The following CUBN variants were observed in gnomAD, a reference collection of about 807,000 sequenced individuals.
CUBN encodes 460 kDa receptor.
CUBN carries 282 observed loss-of-function variants against 405.3 expected under a neutral mutation model. That is an observed-to-expected ratio of 0.70 (90% CI 0.63 to 0.77). CUBN has a LOEUF of 0.77. Ranked by LOEUF, CUBN falls within the 30% of genes least tolerant of loss-of-function variation. The pLI is 0.00. For missense variants in CUBN, 4,514 were observed against 4,475.2 expected (o/e 1.01, Z -0.25); for synonymous variants, 1,684 against 1,617.0 (o/e 1.04, Z -0.99).
chr10:17,109,809 A>G, intron 9 of CUBN, 74 bp from the exon 10 acceptor site: 1 of 1,127,710 alleles, frequency 8.9e-7, no homozygotes, highest in Non-Finnish European at 1.4e-6. Flanking sequence ...CTAGGATTCA[A>G]ATATCATGAA....
intron 44 of CUBN, among the ~76,000 whole-genome samples, chr10:16,919,269 A>C (rs1278688179): frequency 6.6e-6 from 1 of 152,210 alleles, no homozygotes; most frequent in Admixed American, 6.5e-5. Flanking sequence ...ACGTTTCTTC[A>C]GGAAGTCACA....
intron 51 of CUBN, 123 bp from the exon 52 acceptor site, chr10:16,901,582 G>A: frequency 7.7e-7 from 1 of 1,296,772 alleles, no homozygotes; most frequent in South Asian, 1.3e-5. Context: ...GGCCAGGCAT[G>A]GTGGCTCACG....
intron 17 of CUBN, among the ~76,000 whole-genome samples, chr10:17,073,388 A>T (rs2131850711): frequency 6.6e-6 from 1 of 152,214 alleles, no homozygotes; most frequent in African/African-American, 2.4e-5. Context: ...TTTTATTAGA[A>T]AAAAAAGGAA....
chr10:16,839,275 G>A (rs1839268486), intron 62 of CUBN, among the ~76,000 whole-genome samples: 1 of 152,136 alleles, frequency 6.6e-6, no homozygotes, highest in Admixed American at 6.6e-5. Flanking sequence ...GGACCTGCAG[G>A]ACCAAGTTCA....
At position 17,123,569 on chromosome 10, in the gene CUBN, C is replaced by A. The variant is rs765890303; in HGVS notation, c.489+19G>T. 6 of 1,570,290 alleles carry A rather than the reference C, an allele frequency of 3.8e-6. No homozygotes were observed. In the African/African-American group the frequency reaches 8.1e-5, roughly 21 times the overall value. On this transcript the variant is annotated intron_variant, in intron 5 of 66. Transcript: ENST00000377833. ...ATGCTGACCTGCCATCATTCTTAAC[C>A]AAAGAGTAGATGACTCACCTTCCAC... is the stretch of plus-strand genomic sequence containing the variant.
chr10:16,986,812 A>C (rs1388874149), intron 29 of CUBN, among the ~76,000 whole-genome samples: 1 of 152,160 alleles, frequency 6.6e-6, no homozygotes, highest in African/African-American at 2.4e-5. Flanking sequence ...CAATCACCCA[A>C]GCCCAATCAA....
intron 28 of CUBN, among the ~76,000 whole-genome samples, chr10:17,016,128 G>A (rs1018670566): frequency 4.0e-5 from 6 of 151,886 alleles, no homozygotes; most frequent in African/African-American, 1.5e-4. Flanking sequence ...AGTGAGTCAG[G>A]TGACAGGGGA....
intron 48 of CUBN, among the ~76,000 whole-genome samples, chr10:16,909,781 A>T (rs1233995351): frequency 6.6e-6 from 1 of 152,226 alleles, no homozygotes; most frequent in African/African-American, 2.4e-5. Context: ...CAACTCTCAG[A>T]GTACAAATGG....
intron 17 of CUBN, among the ~76,000 whole-genome samples, chr10:17,079,477 G>T (rs760536597): frequency 1.3e-5 from 2 of 151,824 alleles, no homozygotes; most frequent in African/African-American, 2.4e-5. Flanking sequence ...GACCTCAGGT[G>T]ATCCACCCAC....
chr10:16,960,757 A>C (rs1320131937), intron 31 of CUBN, among the ~76,000 whole-genome samples: 2 of 152,278 alleles, frequency 1.3e-5, no homozygotes, highest in East Asian at 3.9e-4. Context: ...TGTGGGTAAG[A>C]GGTTAGTCAC....
At chr10:17,122,430 G>T (rs1281721984) in intron 6 of CUBN, 1 of 369,620 alleles carries the variant, frequency 2.7e-6, no homozygotes, top group Non-Finnish European at 5.4e-6. Context: ...GTGTGGTGGG[G>T]TGTCCCCTTT....
rs762677124 is a variant in CUBN at position 16,990,376 on chromosome 10, G to C, written c.4308C>G (p.Phe1436Leu). Residue 1436 changes from phenylalanine (F) to leucine (L), a missense_variant, in exon 29 of 67, where the codon TTC (phenylalanine) becomes TTG (leucine). This residue lies in a region of CUBN where 1,613 missense variants were observed against 1,542.8 expected (regional missense o/e 1.05). Transcript: ENST00000377833. ...GSSIQLTIHD[F>L]DVEYHSRCNF... Reference sequence around the variant, plus strand: ...TGCACCTTGAATGATACTCCACATCGAAGTCATGGATGGTGAGCTGAATGC... The same window carrying C: ...TGCACCTTGAATGATACTCCACATCCAAGTCATGGATGGTGAGCTGAATGC... 3 of 1,614,064 alleles carry C rather than the reference G, an allele frequency of 1.9e-6. No individual in the cohort carries two copies. In the Admixed American group the frequency reaches 5.0e-5, roughly 27 times the overall value.
intron 45 of CUBN, 93 bp downstream of exon 45, chr10:16,918,528 CT>C: frequency 2.1e-6 from 2 of 946,592 alleles, no homozygotes; most frequent in East Asian, 5.2e-5. Context: ...ATGAAATAAT[CT>C]CTACAACAAA....
intron 16 of CUBN, 105 bp from the exon 17 acceptor site, chr10:17,084,566 G>A: frequency 6.0e-6 from 5 of 834,680 alleles, no homozygotes; most frequent in Non-Finnish European, 9.9e-6. Flanking sequence ...ACACACACAA[G>A]CACATATCCA....
intron 60 of CUBN, among the ~76,000 whole-genome samples, chr10:16,850,918 C>T (rs1426365432): frequency 1.3e-5 from 2 of 152,156 alleles, no homozygotes; most frequent in African/African-American, 4.8e-5. Context: ...GCCAAAGGTC[C>T]TTTGAGTATC....
chr10:17,085,965 ATTTT>A (rs11284543), intron 15 of CUBN, among the ~76,000 whole-genome samples: 15 of 132,610 alleles, frequency 1.1e-4, no homozygotes, highest in South Asian at 5.0e-4. Flanking sequence ...CTCTGTCTGA[ATTTT>A]TTTTTTTTTT....
At chr10:17,120,576 G>T (rs546448777) in intron 6 of CUBN, among the ~76,000 whole-genome samples, 3 of 152,290 alleles carry the variant, frequency 2.0e-5, no homozygotes, top group Admixed American at 6.5e-5. Context: ...TTACAAAGTT[G>T]AATCTGTCAT....
At chr10:16,993,687 A>T (rs2131723709) in intron 28 of CUBN, among the ~76,000 whole-genome samples, 1 of 150,448 alleles carries the variant, frequency 6.6e-6, no homozygotes, top group Middle Eastern at 3.4e-3. Flanking sequence ...TTTTTAGTAG[A>T]GATGGGGTTT....
intron 55 of CUBN, 90 bp downstream of exon 55, chr10:16,890,281 C>T: frequency 7.8e-7 from 1 of 1,279,134 alleles, no homozygotes; most frequent in Non-Finnish European, 1.1e-6. Flanking sequence ...CATACTCCTC[C>T]CCTAGACCCC....
Sources: gnomAD v4.1 joint callset for allele counts (sites outside exome capture counted in the v4.1 genomes callset) on GRCh38, gnomAD v4.1.1 for gene constraint, gnomAD v4.1.1 regional missense constraint, MANE v1.5 for transcripts, NCBI Gene and HGNC (gene_info 2026-07-23, HGNC 2026-07-21) for gene names.